ADAM22: variants seen among roughly 807,000 people sequenced by gnomAD.
The protein encoded by ADAM22 is disintegrin and metalloproteinase domain-containing protein 22.
In ADAM22, 65 loss-of-function variants were observed where a neutral mutation model predicts 144.6. That is an observed-to-expected ratio of 0.45 (90% CI 0.37 to 0.55). ADAM22 has a LOEUF of 0.55. Ranked by LOEUF, ADAM22 falls within the 20% of genes least tolerant of loss-of-function variation. The pLI, the probability that ADAM22 is intolerant of heterozygous loss-of-function variation, is 0.00. For missense variants in ADAM22, 974 were observed against 1,184.9 expected, an observed-to-expected ratio of 0.82 and a Z score of 2.61; for synonymous variants, 391 against 412.6, an observed-to-expected ratio of 0.95 and a Z score of 0.63.
intron 3 of ADAM22, among the ~76,000 whole-genome samples, chr7:88,038,675 G>A (rs531339358): frequency 2.0e-5 from 3 of 151,774 alleles, no homozygotes; most frequent in South Asian, 2.1e-4. Context: ...GGATGGTCTC[G>A]ATCTCCTGAC....
intron 3 of ADAM22, among the ~76,000 whole-genome samples, chr7:88,017,817 G>A (rs1252662271): frequency 6.6e-6 from 1 of 151,806 alleles, no homozygotes; most frequent in Non-Finnish European, 1.5e-5. Flanking sequence ...ATATATGTGT[G>A]TGTGTGTATA....
intron 1 of ADAM22, 190 bp from the exon 2 acceptor site, chr7:87,934,836 C>T (rs1353048012): frequency 5.1e-6 from 4 of 778,882 alleles, no homozygotes; most frequent in East Asian, 5.4e-5. Flanking sequence ...CTCCTGGTTG[C>T]TCTCGGATGA....
At chr7:88,176,526 G>A (rs1332564911) in intron 26 of ADAM22, among the ~76,000 whole-genome samples, 2 of 152,162 alleles carry the variant, frequency 1.3e-5, no homozygotes, top group African/African-American at 4.8e-5. Flanking sequence ...GGACTTCAGA[G>A]AAGTTACATT....
chr7:88,128,597 T>TA lies in ADAM22; in HGVS notation c.679-4dup. The stretch of plus-strand genomic sequence containing the variant: ...TTAGGTGCTGTTTCCTTTCCTGTGT[T>TA]ACAGCTTCGTCGATATCCTCGTAAT... On this transcript the variant is annotated splice_region_variant and splice_polypyrimidine_tract_variant and intron_variant, in intron 8 of 31. Coordinates refer to ENST00000413139, the MANE Select transcript of ADAM22 (RefSeq NM_001324418.2). The TA allele has an allele frequency of 6.2e-7, 1 of 1,609,930 alleles. No homozygotes were observed. The highest frequency in any genetic ancestry group is 8.5e-7 in the Non-Finnish European group (1 of 1,176,526).
At chr7:88,004,160 A>G (rs1290437598) in intron 3 of ADAM22, among the ~76,000 whole-genome samples, 3 of 152,224 alleles carry the variant, frequency 2.0e-5, no homozygotes, top group African/African-American at 7.2e-5. Flanking sequence ...TTCTTCAGGC[A>G]GTGGAGACCT....
intron 2 of ADAM22, among the ~76,000 whole-genome samples, chr7:87,976,947 C>T (rs1341513214): frequency 2.0e-5 from 3 of 148,994 alleles, no homozygotes; most frequent in Non-Finnish European, 3.0e-5. Flanking sequence ...TTAGAAAGAT[C>T]GGGGGATATG....
chr7:88,133,511 G>A (rs1832305386), intron 12 of ADAM22, among the ~76,000 whole-genome samples: 1 of 151,988 alleles, frequency 6.6e-6, no homozygotes, highest in African/African-American at 2.4e-5. Flanking sequence ...GTTATGCTTG[G>A]AATAATTTCC....
chr7:88,177,473 A>T (rs191607979), intron 26 of ADAM22, among the ~76,000 whole-genome samples: 1 of 152,296 alleles, frequency 6.6e-6, no homozygotes, highest in Admixed American at 6.5e-5. Context: ...AGTCATTTAC[A>T]GAATTAAAAA....
intron 2 of ADAM22, among the ~76,000 whole-genome samples, chr7:87,945,760 G>A (rs1019081946): frequency 2.0e-5 from 3 of 151,930 alleles, no homozygotes; most frequent in East Asian, 1.9e-4. Flanking sequence ...TGATCCACCC[G>A]CCTCGGCCTC....
chr7:87,998,826 C>A (rs188774676), intron 3 of ADAM22, among the ~76,000 whole-genome samples: 1 of 152,078 alleles, frequency 6.6e-6, no homozygotes, highest in African/African-American at 2.4e-5. Flanking sequence ...TTCTGCCTAC[C>A]GTAATACATT....
intron 7 of ADAM22, among the ~76,000 whole-genome samples, chr7:88,119,072 A>G (rs1828572639): frequency 6.6e-6 from 1 of 152,186 alleles, no homozygotes; most frequent in African/African-American, 2.4e-5. Context: ...GCTGTTCCCC[A>G]AACTTGCTGG....
chr7:88,150,922 T>A, intron 18 of ADAM22, 59 bp from the exon 19 acceptor site: 1 of 1,376,654 alleles, frequency 7.3e-7, no homozygotes, highest in South Asian at 1.2e-5. Flanking sequence ...CATTAAAGGG[T>A]TTAGCTCAGC....
chr7:87,936,417 TC>T (rs1004173684), intron 2 of ADAM22, among the ~76,000 whole-genome samples: 1 of 152,206 alleles, frequency 6.6e-6, no homozygotes, highest in Non-Finnish European at 1.5e-5. Context: ...GGCCATAGTT[TC>T]CCTATGTCAT....
In ADAM22 at chr7:88,181,926, A is replaced by G. The variant is rs760228582; in HGVS notation, c.2597-32A>G. 1.9e-6 allele frequency: 3 copies of G among 1,594,436 alleles called. No homozygotes were observed. In the East Asian group the frequency reaches 6.7e-5, roughly 36 times the overall value. The stretch of plus-strand genomic sequence containing the variant: ...AGACATAGGGCAATCACTTATTTAC[A>G]TGGAAATCTAGCTCTAAACCGTCTT... On this transcript the variant is annotated intron_variant, in intron 28 of 31. Coordinates refer to ENST00000413139, the MANE Select transcript of ADAM22 (RefSeq NM_001324418.2).
At chr7:87,955,310 T>G (rs959508277) in intron 2 of ADAM22, among the ~76,000 whole-genome samples, 3 of 152,164 alleles carry the variant, frequency 2.0e-5, no homozygotes, top group Non-Finnish European at 4.4e-5. Context: ...AGATGGGTTT[T>G]TGGTGTGGAT....
intron 2 of ADAM22, among the ~76,000 whole-genome samples, chr7:87,946,485 C>T (rs923100658): frequency 1.3e-5 from 2 of 152,136 alleles, no homozygotes; most frequent in Non-Finnish European, 2.9e-5. Flanking sequence ...AGGTATTCTT[C>T]TAAGATTCTT....
intron 10 of ADAM22, among the ~76,000 whole-genome samples, chr7:88,130,834 C>T (rs1232465314): frequency 2.6e-5 from 4 of 152,242 alleles, no homozygotes; most frequent in African/African-American, 9.6e-5. Context: ...TTCCACTATA[C>T]CTCCATACTT....
At chr7:88,103,096 G>C (rs529303497) in intron 4 of ADAM22, among the ~76,000 whole-genome samples, 7 of 152,206 alleles carry the variant, frequency 4.6e-5, no homozygotes, top group Non-Finnish European at 1.0e-4. Flanking sequence ...AGAGAAGGAG[G>C]GGTTAGCAGG....
At chr7:87,958,779 G>A (rs1045577445) in intron 2 of ADAM22, among the ~76,000 whole-genome samples, 9 of 152,052 alleles carry the variant, frequency 5.9e-5, no homozygotes, top group African/African-American at 2.2e-4. Context: ...AGCACCTTTG[G>A]TGATCTGTAT....
Sources: allele counts gnomAD v4.1 joint callset (sites outside exome capture counted in the v4.1 genomes callset), GRCh38; gene constraint gnomAD v4.1.1; transcripts MANE v1.5; gene names NCBI Gene and HGNC (gene_info 2026-07-23, HGNC 2026-07-21).